The following TXNRD1 variants were observed in gnomAD, a reference collection of about 807,000 sequenced individuals.
TXNRD1 encodes thioredoxin reductase 1, cytoplasmic.
In TXNRD1, 57 loss-of-function variants were observed where a neutral mutation model predicts 80.3. The ratio of observed to expected loss-of-function variants is 0.71; its 90% CI spans 0.57 to 0.89. The LOEUF (loss-of-function observed/expected upper bound fraction) is 0.89. Ranked by LOEUF, TXNRD1 falls within the 40% of genes least tolerant of loss-of-function variation. TXNRD1 has a pLI of 0.00. For synonymous variants in TXNRD1, 291 were observed against 285.2 expected (o/e 1.02, Z -0.20); for missense variants, 730 against 803.0 (o/e 0.91, Z 1.10).
At chr12:104,300,804 G>A (rs960577863) in intron 4 of TXNRD1, among the ~76,000 whole-genome samples, 5 of 152,050 alleles carry the variant, frequency 3.3e-5, no homozygotes, top group African/African-American at 7.2e-5. Context: ...GTGCCACCAC[G>A]CCCAGCTAAT....
At chr12:104,313,590 G>C (rs2035216853) in intron 6 of TXNRD1, among the ~76,000 whole-genome samples, 1 of 152,048 alleles carries the variant, frequency 6.6e-6, no homozygotes, top group South Asian at 2.1e-4. Context: ...GCATATATAG[G>C]GGCTTAATAA....
At chr12:104,267,713 C>CTT (rs1201850301) in intron 3 of TXNRD1, among the ~76,000 whole-genome samples, 10 of 51,344 alleles carry the variant, frequency 1.9e-4, no homozygotes, top group African/African-American at 4.5e-4. Flanking sequence ...CTCTTTCTTT[C>CTT]TTTCTTTCTC....
At chr12:104,315,657 C>A in intron 6 of TXNRD1, 120 bp from the exon 7 acceptor site, 1 of 1,171,832 alleles carries the variant, frequency 8.5e-7, no homozygotes, top group Non-Finnish European at 1.2e-6. Context: ...TTATTACTGA[C>A]CACATTAAGC....
rs1376658196 is a variant in TXNRD1, at chr12:104,348,570, G to A, written c.*149G>A. 4 of 665,098 alleles carry A rather than the reference G, an allele frequency of 6.0e-6. No individual in the cohort carries two copies. The highest frequency in any genetic ancestry group is 2.8e-5 in the Admixed American group (1 of 35,764). 41.2% of individuals were successfully genotyped at this position (665,098 alleles called of 1,614,324 possible). On this transcript the variant is annotated 3_prime_UTR_variant, in exon 17 of 17. Coordinates refer to ENST00000525566, the MANE Select transcript of TXNRD1 (RefSeq NM_001093771.3). ...CGCCCAAGGCCCCCTTGGATCTCTT[G>A]GATAGGAGTTGGTGAATAGAAGGCA...
chr12:104,286,617 A>T, intron 3 of TXNRD1: 1 of 598,322 alleles, frequency 1.7e-6, no homozygotes, highest in Non-Finnish European at 2.1e-6. Flanking sequence ...GCAGAGGCCC[A>T]GGTCACACTC....
At chr12:104,229,149 T>C (rs1019478161) in intron 1 of TXNRD1, among the ~76,000 whole-genome samples, 17 of 146,908 alleles carry the variant, frequency 1.2e-4, no homozygotes, top group South Asian at 6.6e-4. Context: ...CTTTTCTTTT[T>C]TTTTTTTTTT....
chr12:104,303,967 C>A, intron 4 of TXNRD1: 1 of 1,603,840 alleles, frequency 6.2e-7, no homozygotes, highest in South Asian at 1.1e-5. Flanking sequence ...GGGCCGCGGG[C>A]TGCTCCGACG....
chr12:104,286,820 G>A, intron 3 of TXNRD1: 1 of 1,052,650 alleles, frequency 9.5e-7, no homozygotes, highest in Non-Finnish European at 1.2e-6. Flanking sequence ...CTGTTCTTAG[G>A]TTGGGGGCGG....
intron 1 of TXNRD1, among the ~76,000 whole-genome samples, chr12:104,236,111 G>C (rs1039334790): frequency 6.6e-6 from 1 of 152,148 alleles, no homozygotes; most frequent in African/African-American, 2.4e-5. Flanking sequence ...TCTGTTCCCA[G>C]GCAAGAGGGA....
chr12:104,338,651 C>T (rs1177999845), intron 15 of TXNRD1, among the ~76,000 whole-genome samples: 8 of 150,994 alleles, frequency 5.3e-5, no homozygotes, highest in East Asian at 4.0e-4. Flanking sequence ...GAGTGGAGAT[C>T]GCGCCATTGC....
At chr12:104,343,473 A>G (rs143092851) in intron 16 of TXNRD1, among the ~76,000 whole-genome samples, 268 of 152,246 alleles carry the variant, frequency 1.8e-3, no homozygotes, top group Middle Eastern at 3.4e-3. Flanking sequence ...TGGCCATACC[A>G]CCCAGGTTTT....
intron 1 of TXNRD1, among the ~76,000 whole-genome samples, chr12:104,237,832 G>A (rs183492830): frequency 1.4e-4 from 21 of 152,128 alleles, no homozygotes; most frequent in Admixed American, 6.5e-4. Context: ...GGCCAATATG[G>A]TAAAACCGTC....
intron 1 of TXNRD1, among the ~76,000 whole-genome samples, chr12:104,218,090 T>C (rs1319424538): frequency 6.6e-6 from 1 of 151,638 alleles, no homozygotes; most frequent in African/African-American, 2.4e-5. Flanking sequence ...TGCCGTGGCA[T>C]GATCTTGGCT....
chr12:104,279,788 G>T (rs1378855384), intron 3 of TXNRD1, among the ~76,000 whole-genome samples: 1 of 152,126 alleles, frequency 6.6e-6, no homozygotes, highest in Non-Finnish European at 1.5e-5. Context: ...AGTCTGGCCA[G>T]GCACGGTGGC....
At chr12:104,227,348 A>G in intron 1 of TXNRD1, among the ~76,000 whole-genome samples, 1 of 152,046 alleles carries the variant, frequency 6.6e-6, no homozygotes, top group South Asian at 2.1e-4. Context: ...AGCAGCTTCA[A>G]ACTCCTGGGC....
chr12:104,295,146 G>A (rs556280894), intron 4 of TXNRD1, among the ~76,000 whole-genome samples: 16 of 152,282 alleles, frequency 1.1e-4, no homozygotes, highest in African/African-American at 3.1e-4. Flanking sequence ...GCAAATAAAC[G>A]TAGAAATTTA....
At chr12:104,229,005 C>G (rs1001371839) in intron 1 of TXNRD1, among the ~76,000 whole-genome samples, 10 of 152,090 alleles carry the variant, frequency 6.6e-5, no homozygotes, top group African/African-American at 2.4e-4. Context: ...AGGCGTGAGC[C>G]ACCGTGCCCA....
intron 9 of TXNRD1, 48 bp from the exon 10 acceptor site, chr12:104,321,043 A>G (rs967882113): frequency 1.5e-6 from 2 of 1,293,840 alleles, no homozygotes; most frequent in African/African-American, 1.5e-5. Flanking sequence ...TTATTTATAT[A>G]GGAACTTTCT....
At chr12:104,254,630 G>GAAAA (rs760022093) in intron 2 of TXNRD1, among the ~76,000 whole-genome samples, 31 of 17,296 alleles carry the variant, frequency 1.8e-3, no homozygotes, top group Admixed American at 4.1e-3. Context: ...TATGTCTATG[G>GAAAA]AAAAAAAAAA....
Sources: gnomAD v4.1 joint callset for allele counts (sites outside exome capture counted in the v4.1 genomes callset) on GRCh38, gnomAD v4.1.1 for gene constraint, MANE v1.5 for transcripts, NCBI Gene and HGNC (gene_info 2026-07-23, HGNC 2026-07-21) for gene names.